Variants in ZMYM1 observed in about 807,000 individuals in gnomAD.
The protein encoded by ZMYM1 is zinc finger MYM-type containing 1.
ZMYM1 carries 39 observed loss-of-function variants against 60.0 expected under a neutral mutation model. That is an observed-to-expected ratio of 0.65 (90% CI 0.50 to 0.85). The LOEUF is 0.85. Ranked by LOEUF, ZMYM1 falls within the 40% of genes least tolerant of loss-of-function variation. The pLI is 0.00. For missense variants in ZMYM1, 1,171 were observed against 1,309.5 expected (o/e 0.89, Z 1.63); for synonymous variants, 413 against 454.0 (o/e 0.91, Z 1.15).
chr1:35,101,595 T>G (rs1218645576), intron 4 of ZMYM1, among the ~76,000 whole-genome samples: 1 of 151,452 alleles, frequency 6.6e-6, no homozygotes, highest in Non-Finnish European at 1.5e-5. Context: ...ATCTTTACCT[T>G]TTGTCTATTC....
chr1:35,088,820 T>TG (rs1553139468), intron 1 of ZMYM1, among the ~76,000 whole-genome samples: 1 of 147,976 alleles, frequency 6.8e-6, no homozygotes, highest in Non-Finnish European at 1.5e-5. Context: ...TTTTTTTTTT[T>TG]TTTGTTTTTG....
downstream of ZMYM1, among the ~76,000 whole-genome samples, chr1:35,118,352 G>C (rs985673127): frequency 5.3e-5 from 8 of 151,946 alleles, no homozygotes; most frequent in Middle Eastern, 3.5e-3. Flanking sequence ...TTCCTCTAAA[G>C]TCAGCTTGGT....
chr1:35,116,462 T>C (rs1644249425), downstream of ZMYM1, among the ~76,000 whole-genome samples: 1 of 152,188 alleles, frequency 6.6e-6, no homozygotes, highest in South Asian at 2.1e-4. Context: ...CAAAAAAGTT[T>C]TGTTTTTGTT....
chr1:35,071,052 T>A (rs1642058962), intron 1 of ZMYM1, among the ~76,000 whole-genome samples: 1 of 152,036 alleles, frequency 6.6e-6, no homozygotes, highest in South Asian at 2.1e-4. Context: ...ACCCAGCAAT[T>A]TTTTTAATAT....
intron 4 of ZMYM1, among the ~76,000 whole-genome samples, chr1:35,101,939 T>C (rs1232356344): frequency 6.6e-6 from 1 of 152,194 alleles, no homozygotes; most frequent in Admixed American, 6.5e-5. Flanking sequence ...CAAAGAGCTT[T>C]AGTTATGTAG....
chr1:35,073,045 G>A (rs762081926), intron 1 of ZMYM1, among the ~76,000 whole-genome samples: 1 of 151,224 alleles, frequency 6.6e-6, no homozygotes, highest in Non-Finnish European at 1.5e-5. Flanking sequence ...TTGCACCACT[G>A]TACTCCAGCC....
chr1:35,112,518 TA>T (rs1488166518), intron 9 of ZMYM1, among the ~76,000 whole-genome samples: 6 of 145,282 alleles, frequency 4.1e-5, no homozygotes, highest in Non-Finnish European at 6.0e-5. Context: ...CTATAATATA[TA>T]AAAATATAAA....
intron 6 of ZMYM1, among the ~76,000 whole-genome samples, chr1:35,108,200 A>G (rs1643957606): frequency 6.6e-6 from 1 of 152,246 alleles, no homozygotes; most frequent in Admixed American, 6.5e-5. Context: ...CTCAAAATAT[A>G]AAAGTTGTTC....
Position 35,115,616 on chromosome 1 carries a change from T to G in ZMYM1, c.*357T>G, listed in dbSNP as rs1233826291. 2 of 157,042 alleles carry G rather than the reference T, an allele frequency of 1.3e-5. No individual in the cohort carries two copies. Among genetic ancestry groups the G allele is most frequent in the African/African-American group, 4.8e-5 (2 of 41,638 alleles). 9.7% of individuals were successfully genotyped at this position (157,042 alleles called of 1,614,324 possible). On this transcript the variant is annotated 3_prime_UTR_variant, in exon 10 of 10. Transcript: ENST00000359858. The stretch of plus-strand genomic sequence containing the variant: ...ATATTTGAGCAGTCCCTGCTGACAT[T>G]TTTTTCCTAACCTTTTGCTATTATA...
chr1:35,093,294 T>TTTTGTTTG (rs10638422), intron 1 of ZMYM1: 109 of 150,950 alleles, frequency 7.2e-4, no homozygotes, highest in Middle Eastern at 3.5e-3. Context: ...TACATTTCTT[T>TTTTGTTTG]TTTGTTTGTT....
intron 1 of ZMYM1, among the ~76,000 whole-genome samples, chr1:35,085,932 G>A (rs953511852): frequency 3.3e-5 from 5 of 152,144 alleles, no homozygotes; most frequent in Non-Finnish European, 7.3e-5. Context: ...CTAACACATC[G>A]TGGAATAAAA....
intron 4 of ZMYM1, among the ~76,000 whole-genome samples, chr1:35,099,787 A>C (rs887893764): frequency 6.6e-6 from 1 of 151,930 alleles, no homozygotes; most frequent in East Asian, 1.9e-4. Context: ...CTGATCTTAA[A>C]CTCCTGAGTT....
intron 1 of ZMYM1, among the ~76,000 whole-genome samples, chr1:35,090,019 C>G (rs1387085941): frequency 6.6e-6 from 1 of 151,768 alleles, no homozygotes; most frequent in Non-Finnish European, 1.5e-5. Flanking sequence ...ATTCTCCTGC[C>G]TCAGCCTCCC....
chr1:35,096,547 T>C (rs1169381227), intron 3 of ZMYM1, among the ~76,000 whole-genome samples: 1 of 150,856 alleles, frequency 6.6e-6, no homozygotes, highest in Non-Finnish European at 1.5e-5. Flanking sequence ...TTTTTTTTTT[T>C]CTGAGATGGA....
intron 1 of ZMYM1, among the ~76,000 whole-genome samples, chr1:35,066,628 A>C (rs1390721839): frequency 1.3e-5 from 2 of 152,224 alleles, no homozygotes; most frequent in African/African-American, 4.8e-5. Context: ...AGATTTAAAT[A>C]AATGGTGAGC....
At chr1:35,108,797 A>G (rs144092225) in intron 6 of ZMYM1, among the ~76,000 whole-genome samples, 1 of 146,978 alleles carries the variant, frequency 6.8e-6, no homozygotes, top group African/African-American at 2.5e-5. Flanking sequence ...TGGAGGCCCA[A>G]CCTCAGGTGT....
chr1:35,104,250 A>T (rs960028289), intron 4 of ZMYM1, 45 bp from the exon 5 acceptor site: 1 of 1,442,644 alleles, frequency 6.9e-7, no homozygotes, highest in African/African-American at 1.4e-5. Context: ...AGAAGTTATA[A>T]TTGTGTTTAA....
At chr1:35,088,454 A>ATATGTGTGTGTGTGTG (rs1464546786) in intron 1 of ZMYM1, among the ~76,000 whole-genome samples, 7 of 107,284 alleles carry the variant, frequency 6.5e-5, no homozygotes, top group African/African-American at 2.6e-4. Context: ...ATATATATAT[A>ATATGTGTGTGTGTGTG]TGTGTGTGTG....
At chr1:35,086,981 C>G (rs1270980276) in intron 1 of ZMYM1, among the ~76,000 whole-genome samples, 3 of 130,524 alleles carry the variant, frequency 2.3e-5, no homozygotes, top group African/African-American at 9.5e-5. Context: ...CCGCACCCAG[C>G]CTTTTTTTTT....
Sources: gnomAD v4.1 joint callset for allele counts (sites outside exome capture counted in the v4.1 genomes callset) on GRCh38, gnomAD v4.1.1 for gene constraint, MANE v1.5 for transcripts, NCBI Gene and HGNC (gene_info 2026-07-23, HGNC 2026-07-21) for gene names.